Variants in LTBP1 observed in about 807,000 individuals in gnomAD.
LTBP1 encodes the protein latent-transforming growth factor beta-binding protein 1.
A neutral mutation model predicts 207.6 loss-of-function variants in LTBP1; 129 were observed. That is an observed-to-expected ratio of 0.62 (90% confidence interval 0.54 to 0.72). LTBP1 has a LOEUF of 0.72. Among genes scored for constraint, LTBP1 ranks in the 30% least tolerant of loss-of-function variants. The pLI, the probability that LTBP1 is intolerant of heterozygous loss-of-function variation, is 0.00. For synonymous variants in LTBP1, 963 were observed against 833.7 expected (o/e 1.16, Z -2.67); for missense variants, 2,281 against 2,217.2 (o/e 1.03, Z -0.58).
rs1197066735 is a variant in LTBP1 at position 33,257,291 on chromosome 2, T to G, written c.2175T>G (p.Phe725Leu). 1.2e-6 allele frequency: 2 copies of G among 1,612,140 alleles called. No homozygotes were observed. The highest frequency in any genetic ancestry group is 1.7e-5 in the Admixed American group (1 of 59,988). ...EKCPLPGTAA[F>L]KEICPGGMGY... The stretch of plus-strand genomic sequence containing the variant: ...TTCCCATCCCAAATCTAGCTGCTTT[T>G]AAGGAAATCTGTCCTGGTGGAATGG... The change falls in exon 12 of 34, where the codon TTT becomes TTG. Residue 725 changes from phenylalanine (F) to leucine (L), a missense_variant. Transcript: ENST00000404816.
chr2:33,183,976 C>T (rs2086921769), intron 5 of LTBP1, among the ~76,000 whole-genome samples: 1 of 152,042 alleles, frequency 6.6e-6, no homozygotes, highest in South Asian at 2.1e-4. Flanking sequence ...ACTCTCTCCT[C>T]CCTCCTCCAC....
At chr2:33,022,876 G>C (rs924148915) in intron 3 of LTBP1, among the ~76,000 whole-genome samples, 1 of 152,082 alleles carries the variant, frequency 6.6e-6, no homozygotes, top group Non-Finnish European at 1.5e-5. Context: ...AAATTTCACA[G>C]GTCATGAAGT....
intron 2 of LTBP1, among the ~76,000 whole-genome samples, chr2:32,984,205 C>A (rs1365341397): frequency 1.3e-5 from 2 of 152,190 alleles, no homozygotes; most frequent in Non-Finnish European, 2.9e-5. Context: ...GTTTTGACAG[C>A]ACAAGACTGT....
chr2:33,199,354 G>A (rs1261570247), intron 7 of LTBP1, among the ~76,000 whole-genome samples: 1 of 152,142 alleles, frequency 6.6e-6, no homozygotes, highest in Non-Finnish European at 1.5e-5. Flanking sequence ...GTGGTGTGGT[G>A]CTGAAAAAAA....
chr2:33,070,914 G>C lies in LTBP1; in HGVS notation c.864-39668G>C, dbSNP rs1417223649. Reference sequence around the variant, plus strand: ...TGGCCCAGTCAGTTCATTTCTCTGGGCATTTCCTCATCATCCAATTGCTGG... The same window carrying C: ...TGGCCCAGTCAGTTCATTTCTCTGGCCATTTCCTCATCATCCAATTGCTGG... On this transcript the variant is annotated intron_variant, in intron 3 of 33. Coordinates refer to ENST00000404816, the MANE Select transcript of LTBP1 (RefSeq NM_206943.4). 3.3e-5 allele frequency among the ~76,000 whole-genome samples: 5 copies of C among 152,188 alleles called. 2 individuals carry two copies. The highest frequency in any genetic ancestry group is 3.3e-4 in the Admixed American group (5 of 15,286).
intron 2 of LTBP1, among the ~76,000 whole-genome samples, chr2:32,949,926 C>T (rs1392686602): frequency 2.0e-5 from 3 of 152,114 alleles, no homozygotes; most frequent in East Asian, 3.9e-4. Flanking sequence ...GGGAAATGTC[C>T]ACAGGTTTTA....
chr2:33,133,710 A>G (rs762671659), intron 4 of LTBP1, among the ~76,000 whole-genome samples: 1 of 152,170 alleles, frequency 6.6e-6, no homozygotes, highest in Non-Finnish European at 1.5e-5. Context: ...AGCTTTATTT[A>G]CAAAAGCAGG....
intron 5 of LTBP1, among the ~76,000 whole-genome samples, chr2:33,158,140 AAAAAAAAC>A (rs1300204893): frequency 1.8e-5 from 2 of 113,454 alleles, no homozygotes; most frequent in East Asian, 6.6e-4. Flanking sequence ...CTTGTCTCAA[AAAAAAAAC>A]AAAAAAAAAA....
chr2:33,283,626 C>T (rs962204077), intron 19 of LTBP1, among the ~76,000 whole-genome samples: 3 of 151,728 alleles, frequency 2.0e-5, no homozygotes, highest in African/African-American at 4.8e-5. Flanking sequence ...TTAGTAGAGA[C>T]GGGGTTTCAC....
At chr2:33,206,049 G>A (rs143132441) in intron 7 of LTBP1, among the ~76,000 whole-genome samples, 4 of 152,272 alleles carry the variant, frequency 2.6e-5, no homozygotes, top group East Asian at 1.9e-4. Flanking sequence ...CCCAGTCTAC[G>A]GTATTTTGTT....
chr2:33,015,648 T>C (rs1164351991), intron 2 of LTBP1, among the ~76,000 whole-genome samples: 1 of 152,134 alleles, frequency 6.6e-6, no homozygotes, highest in East Asian at 1.9e-4. Context: ...GGTGGGTCTG[T>C]TAGTCACTTC....
chr2:33,101,945 A>G (rs1157109220), intron 3 of LTBP1, among the ~76,000 whole-genome samples: 2 of 152,142 alleles, frequency 1.3e-5, no homozygotes, highest in Non-Finnish European at 2.9e-5. Context: ...TCCTTTGCAG[A>G]TAGGATATCT....
chr2:33,187,377 C>T (rs1381385508), intron 6 of LTBP1, among the ~76,000 whole-genome samples: 1 of 152,028 alleles, frequency 6.6e-6, no homozygotes, highest in Admixed American at 6.5e-5. Context: ...TCTGACAAGG[C>T]CTGGGAAATA....
At chr2:33,365,144 G>A (rs947854933) in intron 30 of LTBP1, among the ~76,000 whole-genome samples, 189 bp from the exon 31 acceptor site, 5 of 152,182 alleles carry the variant, frequency 3.3e-5, no homozygotes, top group African/African-American at 4.8e-5. Flanking sequence ...AATTTCAACT[G>A]ATGGAATGAC....
At chr2:33,397,864 G>A (rs553002515) in intron 33 of LTBP1, among the ~76,000 whole-genome samples, 2 of 152,030 alleles carry the variant, frequency 1.3e-5, no homozygotes, top group South Asian at 4.2e-4. Context: ...CTTTGCTTTT[G>A]TTAGTTTTAA....
chr2:33,397,674 ATTTTTTTTTTT>A (rs71409616), intron 33 of LTBP1, among the ~76,000 whole-genome samples: 1 of 117,498 alleles, frequency 8.5e-6, no homozygotes, highest in African/African-American at 3.2e-5. Flanking sequence ...CACCCGGCTA[ATTTTTTTTTTT>A]TTTTTTTTTT....
intron 3 of LTBP1, among the ~76,000 whole-genome samples, chr2:33,051,758 T>G (rs1379310998): frequency 6.6e-6 from 1 of 152,120 alleles, no homozygotes; most frequent in African/African-American, 2.4e-5. Context: ...CCCTGAGATG[T>G]TGGTGACTCA....
At chr2:33,072,289 C>T (rs2077830163) in intron 3 of LTBP1, among the ~76,000 whole-genome samples, 1 of 152,194 alleles carries the variant, frequency 6.6e-6, no homozygotes, top group South Asian at 2.1e-4. Flanking sequence ...CACCACCCTC[C>T]AGGCACCTCC....
At chr2:33,114,722 G>A (rs2080631651) in intron 4 of LTBP1, among the ~76,000 whole-genome samples, 1 of 152,160 alleles carries the variant, frequency 6.6e-6, no homozygotes, top group African/African-American at 2.4e-5. Flanking sequence ...AAAGGAATGG[G>A]ATGTTACTCC....
Sources: gnomAD v4.1 joint callset for allele counts (sites outside exome capture counted in the v4.1 genomes callset) on GRCh38, gnomAD v4.1.1 for gene constraint, MANE v1.5 for transcripts, NCBI Gene and HGNC (gene_info 2026-07-23, HGNC 2026-07-21) for gene names.